The following USP9Y variants were observed in gnomAD, a reference collection of about 807,000 sequenced individuals.
USP9Y encodes the protein ubiquitin specific peptidase 9 Y-linked.
In USP9Y, 41 loss-of-function variants were observed where a neutral mutation model predicts 53.1. The ratio of observed to expected loss-of-function variants is 0.77; its 90% CI spans 0.60 to 1.00. USP9Y has a LOEUF of 1.00. Ranked by LOEUF, USP9Y falls within the 50% of genes least tolerant of loss-of-function variation. The probability of loss-of-function intolerance (pLI) is 0.00; values close to 1 mark genes in which losing one functional copy is unlikely to be tolerated. For missense variants in USP9Y, 567 were observed against 535.8 expected (o/e 1.06, Z -0.58); for synonymous variants, 220 against 173.7 (o/e 1.27, Z -2.09).
chrY:12,778,834 A>T, intron 21 of USP9Y, 79 bp downstream of exon 21: 1 of 263,739 alleles, frequency 3.8e-6, no homozygotes, highest in Non-Finnish European at 6.0e-6. Flanking sequence ...ATTTATAGAG[A>T]TTCATAAATG....
At position 12,775,493 on chromosome Y, in the gene USP9Y, A is replaced by G; in HGVS notation, c.2354A>G (p.Glu785Gly). Residue 785 changes from glutamate to glycine, a missense_variant, in exon 18 of 46, where the codon GAG becomes GGG. Glu to Gly is a moderately conservative substitution (Grantham distance 98, BLOSUM62 -2). Coordinates refer to ENST00000338981, the MANE Select transcript of USP9Y (RefSeq NM_004654.4). Reference protein sequence around the residue: ...LWRVVIQSSDEIANRAIDLLK... With the variant: ...LWRVVIQSSDGIANRAIDLLK... ...CAGGTTGTGATTCAGAGTAGTGACG[A>G]GATTGCTAACAGAGCTATAGATCTT... is the stretch of plus-strand genomic sequence containing the variant. The G allele has an allele frequency of 2.5e-6, 1 of 395,622 alleles. No homozygotes were observed. The highest frequency in any genetic ancestry group is 3.6e-6 in the Non-Finnish European group (1 of 281,514).
intron 33 of USP9Y, among the ~76,000 whole-genome samples, chrY:12,830,664 T>A: frequency 9.0e-5 from 3 of 33,459 alleles, no homozygotes; most frequent in African/African-American, 3.5e-4. Context: ...TACTCTAAGA[T>A]AACGAACAAG....
At chrY:12,727,538 TA>T (rs2053443720) in intron 7 of USP9Y, among the ~76,000 whole-genome samples, 1 of 33,668 alleles carries the variant, frequency 3.0e-5, no homozygotes, top group Non-Finnish European at 7.4e-5. Flanking sequence ...ATTTTCACTT[TA>T]ATGTGTCAGT....
At chrY:12,783,394 C>T in intron 22 of USP9Y, among the ~76,000 whole-genome samples, 1 of 33,059 alleles carries the variant, frequency 3.0e-5, no homozygotes, top group Non-Finnish European at 7.5e-5. Flanking sequence ...AGGGATAGGG[C>T]GGCCTGAGAA....
At chrY:12,750,032 A>G in intron 12 of USP9Y, among the ~76,000 whole-genome samples, 2 of 33,114 alleles carry the variant, frequency 6.0e-5, no homozygotes, top group Non-Finnish European at 1.5e-4. Context: ...ATGTCTTTCC[A>G]TTTATTTAGG....
In USP9Y at chrY:12,786,282, T is replaced by A; in HGVS notation, c.3231T>A (p.Leu1077=). ...GAGAAGGCAAACTTAGTCCACCCCT[T>A]GACTCTCTTTTCTTTGGTCCTTCTG... ...KLGEGKLSPP[L]DSLFFGPSAS... is the part of the protein sequence containing the mutation. The change falls in exon 23 of 46, where the codon CTT becomes CTA. Residue 1077 remains leucine (L), a synonymous_variant. Transcript: ENST00000338981. 1 of 398,593 alleles carries A rather than the reference T, an allele frequency of 2.5e-6. No homozygotes were observed. The highest frequency in any genetic ancestry group is 3.5e-6 in the Non-Finnish European group (1 of 283,384).
At chrY:12,829,404 A>T in intron 33 of USP9Y, among the ~76,000 whole-genome samples, 1 of 34,476 alleles carries the variant, frequency 2.9e-5, no homozygotes, top group African/African-American at 1.1e-4. Flanking sequence ...CAAAGTCTTC[A>T]CTTTTAGTGA....
chrY:12,833,511 A>T (rs764344883), intron 33 of USP9Y, among the ~76,000 whole-genome samples, 177 bp from the exon 34 acceptor site: 7 of 33,858 alleles, frequency 2.1e-4, no homozygotes, highest in African/African-American at 8.0e-4. Context: ...TTGACACTGT[A>T]GTATCATTAT....
rs2053415920 is a variant in USP9Y at position 12,701,459 on chromosome Y, C to G, written c.-717C>G. On this transcript the variant is annotated 5_prime_UTR_variant, in exon 1 of 46. Transcript: ENST00000338981. ...AGATTTGCCATTGTAGCTTTTCTAC[C>G]AATTAGCAGATTGTTTAACTCACTG... 3.0e-5 allele frequency: 1 copy of G among 33,597 alleles called. No homozygotes were observed. Among genetic ancestry groups the G allele is most frequent in the South Asian group, 6.6e-4 (1 of 1,514 alleles). 8.4% of individuals were successfully genotyped at this position (33,597 alleles called of 400,897 possible).
At chrY:12,755,460 C>CA in intron 12 of USP9Y, among the ~76,000 whole-genome samples, 1 of 32,787 alleles carries the variant, frequency 3.0e-5, no homozygotes, top group East Asian at 8.0e-4. Flanking sequence ...CCACCGCGCC[C>CA]AGCCTCACCT....
At chrY:12,827,202 A>G in intron 33 of USP9Y, among the ~76,000 whole-genome samples, 1 of 33,645 alleles carries the variant, frequency 3.0e-5, no homozygotes, top group South Asian at 6.6e-4. Context: ...GGAGCAGTCT[A>G]AATTCTCACA....
chrY:12,726,429 A>G lies in USP9Y; in HGVS notation c.439-146A>G. Reference sequence around the variant, plus strand: ...ATTAATTTATCTTTACCAATGTATTACTTTGATCCCAATATTAGTGAAATT... The same window carrying G: ...ATTAATTTATCTTTACCAATGTATTGCTTTGATCCCAATATTAGTGAAATT... On this transcript the variant is annotated intron_variant, in intron 6 of 45. Coordinates refer to ENST00000338981, the MANE Select transcript of USP9Y (RefSeq NM_004654.4). 4 of 155,187 alleles carry G rather than the reference A, an allele frequency of 2.6e-5. No homozygotes were observed. The Admixed American group carries it at 4.6e-4, about 18-fold the overall frequency. 38.7% of individuals were successfully genotyped at this position (155,187 alleles called of 400,897 possible).
At chrY:12,750,470 C>T (rs2053463419) in intron 12 of USP9Y, among the ~76,000 whole-genome samples, 1 of 33,308 alleles carries the variant, frequency 3.0e-5, no homozygotes, top group African/African-American at 1.2e-4. Flanking sequence ...TCATTTTTGT[C>T]TTGTTTCTGA....
At chrY:12,771,814 C>T in intron 16 of USP9Y, among the ~76,000 whole-genome samples, 3 of 31,457 alleles carry the variant, frequency 9.5e-5, no homozygotes, top group Non-Finnish European at 2.3e-4. Flanking sequence ...ATTTTACGGT[C>T]TGCCAGATAG....
Position 12,842,474 on chromosome Y carries a change from A to G in USP9Y, c.6438+9A>G. ...CAGGACCTTCTAGTCAGGTAATTGC[A>G]TGGCTTTTTTTTTTTTTTAAGCAAT... is the stretch of plus-strand genomic sequence containing the variant. On this transcript the variant is annotated intron_variant, in intron 38 of 45. Transcript: ENST00000338981. 3 of 354,931 alleles carry G rather than the reference A, an allele frequency of 8.5e-6. No homozygotes were observed. The highest frequency in any genetic ancestry group is 3.3e-5 in the South Asian group (1 of 30,369). 88.5% of individuals were successfully genotyped at this position (354,931 alleles called of 400,897 possible). A position where few individuals can be genotyped will look rare whatever the true frequency, so the allele number is the denominator to read the frequency against.
chrY:12,750,461 C>T (rs2148283049), intron 12 of USP9Y, among the ~76,000 whole-genome samples: 2 of 33,459 alleles, frequency 6.0e-5, no homozygotes, highest in East Asian at 1.5e-3. Context: ...TGAGAACAGT[C>T]ATTTTTGTCT....
chrY:12,712,697 A>T (rs2053425907), intron 3 of USP9Y, among the ~76,000 whole-genome samples: 1 of 33,057 alleles, frequency 3.0e-5, no homozygotes, highest in Non-Finnish European at 7.5e-5. Flanking sequence ...ACTATTTGTT[A>T]TTATTCTCCA....
intron 26 of USP9Y, among the ~76,000 whole-genome samples, 158 bp downstream of exon 26, chrY:12,791,782 T>C (rs776308835): frequency 5.9e-5 from 2 of 34,059 alleles, no homozygotes; most frequent in Non-Finnish European, 1.5e-4. Flanking sequence ...TATATTGTTT[T>C]ATTTTGGAAA....
At chrY:12,746,513 C>A (rs2053460774) in intron 12 of USP9Y, among the ~76,000 whole-genome samples, 1 of 33,433 alleles carries the variant, frequency 3.0e-5, no homozygotes, top group Admixed American at 2.7e-4. Flanking sequence ...TATGTTCATA[C>A]ACAGTTTCCT....
Sources: allele counts gnomAD v4.1 joint callset (sites outside exome capture counted in the v4.1 genomes callset), GRCh38; gene constraint gnomAD v4.1.1; transcripts MANE v1.5; gene names NCBI Gene and HGNC (gene_info 2026-07-23, HGNC 2026-07-21).